The following SNTB1 variants were observed in gnomAD, a reference collection of about 807,000 sequenced individuals.
SNTB1 encodes the protein beta-1-syntrophin.
Under a neutral mutation model 48.9 loss-of-function variants are expected in SNTB1, and 36 were observed. The observed-to-expected ratio is 0.74, with a 90% confidence interval of 0.56 to 0.97. The LOEUF is 0.97. Among genes scored for constraint, SNTB1 ranks in the 50% least tolerant of loss-of-function variants. The pLI is 0.00. For synonymous variants in SNTB1, 299 were observed against 294.6 expected (o/e 1.01, Z -0.15); for missense variants, 786 against 703.4 (o/e 1.12, Z -1.33).
At chr8:120,676,942 C>T (rs1817846723) in intron 2 of SNTB1, among the ~76,000 whole-genome samples, 2 of 151,768 alleles carry the variant, frequency 1.3e-5, no homozygotes, top group African/African-American at 4.8e-5. Context: ...TGTGCACCTG[C>T]AGTCCCAGCT....
intron 1 of SNTB1, among the ~76,000 whole-genome samples, chr8:120,710,029 C>T (rs1442642059): frequency 1.3e-5 from 2 of 152,058 alleles, no homozygotes; most frequent in Non-Finnish European, 2.9e-5. Flanking sequence ...TATGTAACAC[C>T]CTAGAGCCAT....
chr8:120,543,391 T>C (rs776831220), intron 5 of SNTB1, among the ~76,000 whole-genome samples: 27 of 152,214 alleles, frequency 1.8e-4, no homozygotes, highest in Non-Finnish European at 3.5e-4. Flanking sequence ...AAGAGCTTTA[T>C]TGATTCAGAA....
chr8:120,688,720 C>T (rs549388311), intron 2 of SNTB1, among the ~76,000 whole-genome samples: 7 of 152,096 alleles, frequency 4.6e-5, no homozygotes, highest in Non-Finnish European at 1.0e-4. Context: ...TTAAGGGATG[C>T]TGGAACAGAA....
chr8:120,807,095 A>G (rs1176217515), intron 1 of SNTB1, among the ~76,000 whole-genome samples: 1 of 152,198 alleles, frequency 6.6e-6, no homozygotes, highest in Non-Finnish European at 1.5e-5. Flanking sequence ...GTTCAGTTCC[A>G]TAGGAGACCT....
chr8:120,703,519 G>A (rs1439643592), intron 1 of SNTB1, among the ~76,000 whole-genome samples: 2 of 152,182 alleles, frequency 1.3e-5, no homozygotes, highest in African/African-American at 2.4e-5. Flanking sequence ...ACTTGCCTAA[G>A]GTTACAAGAC....
At chr8:120,660,806 T>C (rs1817575001) in intron 2 of SNTB1, among the ~76,000 whole-genome samples, 1 of 152,194 alleles carries the variant, frequency 6.6e-6, no homozygotes, top group Non-Finnish European at 1.5e-5. Flanking sequence ...TCTTTTTACT[T>C]GAACACTTAG....
chr8:120,564,182 G>T (rs528607629), intron 4 of SNTB1, among the ~76,000 whole-genome samples: 1 of 152,086 alleles, frequency 6.6e-6, no homozygotes, highest in African/African-American at 2.4e-5. Context: ...CCCAATTCAT[G>T]TGTTGAAGCC....
chr8:120,789,619 C>CA (rs1218288583), intron 1 of SNTB1, among the ~76,000 whole-genome samples: 1 of 151,932 alleles, frequency 6.6e-6, no homozygotes, highest in South Asian at 2.1e-4. Context: ...TGCACACAAA[C>CA]AAAAAAATCT....
chr8:120,768,501 G>A (rs1294894991), intron 1 of SNTB1, among the ~76,000 whole-genome samples: 1 of 152,160 alleles, frequency 6.6e-6, no homozygotes, highest in Non-Finnish European at 1.5e-5. Flanking sequence ...ACAGTGGGAG[G>A]AGGGGCAGAC....
At chr8:120,668,845 C>G (rs1033796734) in intron 2 of SNTB1, among the ~76,000 whole-genome samples, 1 of 152,226 alleles carries the variant, frequency 6.6e-6, no homozygotes, top group Non-Finnish European at 1.5e-5. Flanking sequence ...GAAGTTGAAA[C>G]TCTGGGGAGA....
At chr8:120,638,446 T>C (rs1388187632) in intron 2 of SNTB1, among the ~76,000 whole-genome samples, 1 of 152,072 alleles carries the variant, frequency 6.6e-6, no homozygotes, top group Non-Finnish European at 1.5e-5. Context: ...AGGGTACATG[T>C]GCACAACATG....
chr8:120,800,623 C>T (rs548780483), intron 1 of SNTB1, among the ~76,000 whole-genome samples: 1 of 152,104 alleles, frequency 6.6e-6, no homozygotes, highest in Admixed American at 6.6e-5. Flanking sequence ...AAAAATTATA[C>T]AGAATGGGTG....
intron 1 of SNTB1, among the ~76,000 whole-genome samples, chr8:120,773,992 A>G (rs762542661): frequency 6.6e-6 from 1 of 152,192 alleles, no homozygotes; most frequent in African/African-American, 2.4e-5. Flanking sequence ...AATTCCCTCA[A>G]TAGTTCTGTG....
At chr8:120,631,371 A>C (rs957570718) in intron 3 of SNTB1, among the ~76,000 whole-genome samples, 1 of 152,192 alleles carries the variant, frequency 6.6e-6, no homozygotes, top group Admixed American at 6.5e-5. Context: ...TACCAAGCCC[A>C]ACAACCCATT....
At position 120,634,574 on chromosome 8, in the gene SNTB1, T is replaced by C. The variant is rs192523917; in HGVS notation, c.789-1923A>G. Among the ~76,000 whole-genome samples, 276 of 152,254 alleles carry C rather than the reference T, an allele frequency of 1.8e-3. 1 individual carries two copies. The highest frequency in any genetic ancestry group is 6.4e-3 in the African/African-American group (266 of 41,550). ...CTCCTTGAGATTGGACAATGTCTTATGGGGGGCACTCACTGTCTCCTGCAG... is the reference window on the plus strand; with the variant it reads ...CTCCTTGAGATTGGACAATGTCTTACGGGGGGCACTCACTGTCTCCTGCAG... On this transcript the variant is annotated intron_variant, in intron 2 of 6. Coordinates refer to ENST00000517992, the MANE Select transcript of SNTB1 (RefSeq NM_021021.4).
At chr8:120,617,942 C>T (rs1054747033) in intron 3 of SNTB1, among the ~76,000 whole-genome samples, 14 of 152,188 alleles carry the variant, frequency 9.2e-5, no homozygotes, top group African/African-American at 3.4e-4. Context: ...GTACAACTGC[C>T]TAAGGGTGTT....
At chr8:120,789,091 C>T (rs992876847) in intron 1 of SNTB1, among the ~76,000 whole-genome samples, 23 of 151,892 alleles carry the variant, frequency 1.5e-4, no homozygotes, top group Non-Finnish European at 7.4e-5. Flanking sequence ...CAAAAGTAAC[C>T]TTCAAACCAT....
chr8:120,587,091 C>T (rs1027619850), intron 3 of SNTB1, among the ~76,000 whole-genome samples: 1 of 152,052 alleles, frequency 6.6e-6, no homozygotes, highest in Non-Finnish European at 1.5e-5. Flanking sequence ...CGTGGTAGCG[C>T]GTGCCTGTAA....
At chr8:120,784,419 C>T (rs538164454) in intron 1 of SNTB1, among the ~76,000 whole-genome samples, 3 of 152,072 alleles carry the variant, frequency 2.0e-5, no homozygotes, top group South Asian at 4.2e-4. Flanking sequence ...CTCAATAAAT[C>T]GCATTTCATA....
Sources: allele counts gnomAD v4.1 joint callset (sites outside exome capture counted in the v4.1 genomes callset), GRCh38; gene constraint gnomAD v4.1.1; transcripts MANE v1.5; gene names NCBI Gene and HGNC (gene_info 2026-07-23, HGNC 2026-07-21).